DPP10: variants seen among roughly 807,000 people sequenced by gnomAD.
DPP10 encodes the protein inactive dipeptidyl peptidase 10.
Under a neutral mutation model 120.9 loss-of-function variants are expected in DPP10, and 33 were observed. That is an observed-to-expected ratio of 0.27 (90% CI 0.21 to 0.37). DPP10 has a LOEUF of 0.37. DPP10 is among the 10% of genes least tolerant of loss of function. The pLI, the probability that DPP10 is intolerant of heterozygous loss-of-function variation, is 1.00. For synonymous variants in DPP10, 337 were observed against 326.1 expected (o/e 1.03, Z -0.36); for missense variants, 816 against 942.8 (o/e 0.87, Z 1.76).
intron 3 of DPP10, among the ~76,000 whole-genome samples, chr2:115,349,584 G>T (rs995833721): frequency 1.3e-5 from 2 of 152,006 alleles, no homozygotes; most frequent in African/African-American, 2.4e-5. Flanking sequence ...TAATAAATGC[G>T]CTGGGAGGTC....
chr2:115,406,625 A>G (rs2068527673), intron 3 of DPP10, among the ~76,000 whole-genome samples: 1 of 152,156 alleles, frequency 6.6e-6, no homozygotes, highest in South Asian at 2.1e-4. Flanking sequence ...CATAACCATA[A>G]GAGAGTTAGA....
intron 1 of DPP10, among the ~76,000 whole-genome samples, chr2:114,735,290 A>G (rs1000331257): frequency 6.6e-6 from 1 of 152,158 alleles, no homozygotes; most frequent in Non-Finnish European, 1.5e-5. Context: ...TATTACAAGA[A>G]CACCACCCAG....
intron 1 of DPP10, among the ~76,000 whole-genome samples, chr2:114,859,283 G>C (rs1384078806): frequency 6.6e-6 from 1 of 151,366 alleles, no homozygotes; most frequent in Admixed American, 6.6e-5. Context: ...CAGGAGAATC[G>C]TTTGAACCCA....
chr2:114,871,585 T>C (rs553515940), intron 1 of DPP10, among the ~76,000 whole-genome samples: 1 of 152,218 alleles, frequency 6.6e-6, no homozygotes, highest in East Asian at 1.9e-4. Context: ...GTTCTTAAGA[T>C]GTTAGGATGT....
intron 1 of DPP10, among the ~76,000 whole-genome samples, chr2:114,741,593 G>A (rs1389352771): frequency 6.6e-6 from 1 of 152,244 alleles, no homozygotes; most frequent in East Asian, 1.9e-4. Flanking sequence ...CTAACACTTG[G>A]TACCTATAAA....
At chr2:114,902,335 T>C (rs1385443069) in intron 1 of DPP10, among the ~76,000 whole-genome samples, 3 of 152,224 alleles carry the variant, frequency 2.0e-5, no homozygotes, top group African/African-American at 7.2e-5. Context: ...AAGAACTGTC[T>C]CTTTGCTACT....
At chr2:115,417,880 A>G (rs973714928) in intron 3 of DPP10, among the ~76,000 whole-genome samples, 1 of 152,160 alleles carries the variant, frequency 6.6e-6, no homozygotes, top group Non-Finnish European at 1.5e-5. Flanking sequence ...TCTCCGTCTG[A>G]TGTATTTCTC....
At chr2:115,321,386 C>T (rs1017003256) in intron 2 of DPP10, among the ~76,000 whole-genome samples, 21 of 152,082 alleles carry the variant, frequency 1.4e-4, no homozygotes, top group Admixed American at 6.6e-5. Flanking sequence ...TGAGAAATCT[C>T]CTGTTAAACT....
chr2:115,139,702 T>C (rs1341564891), intron 1 of DPP10, among the ~76,000 whole-genome samples: 1 of 109,546 alleles, frequency 9.1e-6, no homozygotes, highest in African/African-American at 3.7e-5. Flanking sequence ...AATTGGAAGG[T>C]AGATCTAAGA....
At chr2:115,275,336 A>G (rs558272523) in intron 1 of DPP10, among the ~76,000 whole-genome samples, 1 of 152,332 alleles carries the variant, frequency 6.6e-6, no homozygotes, top group Non-Finnish European at 1.5e-5. Context: ...TATATATAAC[A>G]CATGCACATA....
At chr2:115,493,072 T>C (rs2105359931) in intron 3 of DPP10, among the ~76,000 whole-genome samples, 1 of 152,064 alleles carries the variant, frequency 6.6e-6, no homozygotes, top group South Asian at 2.1e-4. Flanking sequence ...CGGTAGATAA[T>C]AAATATATAA....
intron 1 of DPP10, among the ~76,000 whole-genome samples, chr2:114,493,183 A>G (rs972356610): frequency 1.3e-5 from 2 of 152,188 alleles, no homozygotes; most frequent in Admixed American, 1.3e-4. Context: ...GGTGGTGAGC[A>G]GATGAACTCT....
chr2:115,583,816 G>A (rs1225348723), intron 5 of DPP10, among the ~76,000 whole-genome samples: 1 of 152,186 alleles, frequency 6.6e-6, no homozygotes, highest in East Asian at 1.9e-4. Flanking sequence ...ACTCTATGAG[G>A]ATAAGCATGC....
intron 1 of DPP10, among the ~76,000 whole-genome samples, chr2:114,526,589 T>C (rs1338184859): frequency 2.0e-5 from 3 of 152,140 alleles, no homozygotes; most frequent in African/African-American, 7.2e-5. Flanking sequence ...CAGTTATTTC[T>C]TGCAGTTCTG....
At chr2:115,716,140 G>T (rs1169917820) in intron 7 of DPP10, among the ~76,000 whole-genome samples, 2 of 152,148 alleles carry the variant, frequency 1.3e-5, no homozygotes, top group Non-Finnish European at 2.9e-5. Context: ...ACCCAGTATT[G>T]TTGTTGTCAC....
rs1683423772 is a variant in DPP10, at chr2:114,504,032, C to T, written c.60+61194C>T. ...TGTAGTAAAGTGAATATTCTACTTT[C>T]TAGTCATTTGTTACAGAATCAGGCA... is the stretch of plus-strand genomic sequence containing the variant. On this transcript the variant is annotated intron_variant, in intron 1 of 25. Coordinates refer to ENST00000410059, the MANE Select transcript of DPP10 (RefSeq NM_020868.6). Among the ~76,000 whole-genome samples, 7 of 152,168 alleles carry T rather than the reference C, an allele frequency of 4.6e-5. No individual in the cohort carries two copies. In the South Asian group the frequency reaches 1.2e-3, roughly 27 times the overall value.
chr2:114,886,616 T>G (rs1048690339), intron 1 of DPP10, among the ~76,000 whole-genome samples: 9 of 152,336 alleles, frequency 5.9e-5, no homozygotes, highest in African/African-American at 2.2e-4. Context: ...ACTATAGAGA[T>G]TTATTAATCT....
intron 3 of DPP10, among the ~76,000 whole-genome samples, chr2:115,387,994 G>A (rs533611272): frequency 6.6e-6 from 1 of 152,172 alleles, no homozygotes; most frequent in Non-Finnish European, 1.5e-5. Context: ...TGCCCTGACA[G>A]CTAACTTACA....
intron 19 of DPP10, among the ~76,000 whole-genome samples, chr2:115,792,100 G>A (rs1254595287): frequency 2.0e-5 from 3 of 152,088 alleles, no homozygotes; most frequent in African/African-American, 7.2e-5. Context: ...TATGATCACT[G>A]AGTATAGTGG....
Sources: allele counts gnomAD v4.1 joint callset (sites outside exome capture counted in the v4.1 genomes callset), GRCh38; gene constraint gnomAD v4.1.1; transcripts MANE v1.5; gene names NCBI Gene and HGNC (gene_info 2026-07-23, HGNC 2026-07-21).